PRKCA: variants seen among roughly 807,000 people sequenced by gnomAD.
PRKCA encodes protein kinase C alpha.
Under a neutral mutation model 87.0 loss-of-function variants are expected in PRKCA, and 27 were observed. That is an observed-to-expected ratio of 0.31 (90% confidence interval 0.23 to 0.43). The LOEUF (loss-of-function observed/expected upper bound fraction) is 0.43, where lower values mean the gene tolerates loss of function less well. Ranked by LOEUF, PRKCA falls within the 20% of genes least tolerant of loss-of-function variation. The pLI is 1.00. For synonymous variants in PRKCA, 329 were observed against 311.1 expected (o/e 1.06, Z -0.61); for missense variants, 518 against 852.3 (o/e 0.61, Z 4.88).
chr17:66,766,197 C>T (rs111578720), intron 13 of PRKCA, among the ~76,000 whole-genome samples: 54 of 152,202 alleles, frequency 3.5e-4, no homozygotes, highest in African/African-American at 1.3e-3. Context: ...GGAAGGAGAG[C>T]GTGTTATCAG....
Position 66,502,773 on chromosome 17 carries a change from G to A in PRKCA, c.288+6490G>A, listed in dbSNP as rs9890584. Among the ~76,000 whole-genome samples, 899 of 152,126 alleles carry A rather than the reference G, an allele frequency of 5.9e-3. 5 individuals are homozygous for A. Among genetic ancestry groups the A allele is most frequent in the Middle Eastern group, 0.041 (12 of 292 alleles). ...GGGTTCACGCCATTCTCCTGCCTTAGCCTCCCAAGTAGCTGGGATTACAGT... is the reference window on the plus strand; with the variant it reads ...GGGTTCACGCCATTCTCCTGCCTTAACCTCCCAAGTAGCTGGGATTACAGT... On this transcript the variant is annotated intron_variant, in intron 3 of 16. Coordinates refer to ENST00000413366, the MANE Select transcript of PRKCA (RefSeq NM_002737.3).
chr17:66,420,482 G>A (rs760696031), intron 2 of PRKCA, among the ~76,000 whole-genome samples: 71 of 152,192 alleles, frequency 4.7e-4, no homozygotes, highest in Non-Finnish European at 7.8e-4. Flanking sequence ...GTACCTGTAC[G>A]ACCATTCTGT....
intron 2 of PRKCA, among the ~76,000 whole-genome samples, chr17:66,308,330 A>T (rs892908472): frequency 6.6e-6 from 1 of 152,102 alleles, no homozygotes; most frequent in African/African-American, 2.4e-5. Context: ...ATTTTTTACC[A>T]ATCTGGTAGG....
intron 3 of PRKCA, among the ~76,000 whole-genome samples, chr17:66,631,284 C>A (rs1000187284): frequency 1.3e-5 from 2 of 151,996 alleles, no homozygotes; most frequent in Non-Finnish European, 2.9e-5. Flanking sequence ...AGTAGGTGTA[C>A]GGTAAATAAT....
chr17:66,685,724 G>A (rs1017312756), intron 5 of PRKCA, among the ~76,000 whole-genome samples: 2 of 152,300 alleles, frequency 1.3e-5, no homozygotes, highest in African/African-American at 4.8e-5. Flanking sequence ...AACATCTTTA[G>A]GGTTCTCCCC....
At chr17:66,415,339 A>G (rs1446789926) in intron 2 of PRKCA, 1 of 152,168 alleles carries the variant, frequency 6.6e-6, no homozygotes, top group African/African-American at 2.4e-5. Context: ...AATTAGCATG[A>G]GGTTGATTCT....
intron 6 of PRKCA, among the ~76,000 whole-genome samples, chr17:66,687,598 T>C (rs2144032602): frequency 6.6e-6 from 1 of 152,284 alleles, no homozygotes; most frequent in Middle Eastern, 3.4e-3. Flanking sequence ...TAGGTTCTTT[T>C]GGGAGTTAGG....
At chr17:66,798,560 G>A (rs1340896363) in intron 16 of PRKCA, among the ~76,000 whole-genome samples, 11 of 9,146 alleles carry the variant, frequency 1.2e-3, no homozygotes, top group Non-Finnish European at 1.5e-3. Context: ...GGTGATGGTG[G>A]TGGTGGTGGT....
intron 3 of PRKCA, among the ~76,000 whole-genome samples, chr17:66,497,450 C>G (rs141165131): frequency 2.6e-5 from 4 of 151,276 alleles, no homozygotes; most frequent in Non-Finnish European, 5.9e-5. Context: ...GAGCTGATAT[C>G]GCACCACTGC....
chr17:66,464,895 T>C (rs537446917), intron 2 of PRKCA, among the ~76,000 whole-genome samples: 2 of 152,348 alleles, frequency 1.3e-5, no homozygotes, highest in East Asian at 3.9e-4. Context: ...TATTTTTTCA[T>C]GGATTGCTCC....
At chr17:66,771,778 T>A (rs1774367162) in intron 13 of PRKCA, among the ~76,000 whole-genome samples, 1 of 152,106 alleles carries the variant, frequency 6.6e-6, no homozygotes, top group Non-Finnish European at 1.5e-5. Context: ...GTATTTATAG[T>A]AGAGACAGGG....
chr17:66,609,260 G>A (rs141694031), intron 3 of PRKCA, among the ~76,000 whole-genome samples: 73 of 151,988 alleles, frequency 4.8e-4, no homozygotes, highest in Non-Finnish European at 9.7e-4. Context: ...CATTCCATTG[G>A]ACTTCAAGGT....
At chr17:66,728,560 G>T (rs190483507) in intron 8 of PRKCA, among the ~76,000 whole-genome samples, 1 of 152,366 alleles carries the variant, frequency 6.6e-6, no homozygotes, top group African/African-American at 2.4e-5. Flanking sequence ...AAGTTCAGAA[G>T]TACTTGAATG....
chr17:66,641,250 G>A (rs576142812), intron 3 of PRKCA, 105 bp from the exon 4 acceptor site: 171 of 717,320 alleles, frequency 2.4e-4, no homozygotes, highest in Middle Eastern at 1.3e-3. Flanking sequence ...TGGTGTTATC[G>A]AACCTTGACT....
chr17:66,774,785 A>C (rs565455380), intron 14 of PRKCA: 1 of 985,414 alleles, frequency 1.0e-6, no homozygotes, highest in South Asian at 4.7e-5. Context: ...GAAGACAGTT[A>C]CCTTGAAGAA....
intron 2 of PRKCA, among the ~76,000 whole-genome samples, chr17:66,441,305 CT>C (rs1175529574): frequency 2.0e-5 from 3 of 151,698 alleles, no homozygotes; most frequent in Non-Finnish European, 4.4e-5. Flanking sequence ...GATCACACCT[CT>C]GCATTCCAGC....
At chr17:66,585,665 A>G (rs1477684655) in intron 3 of PRKCA, among the ~76,000 whole-genome samples, 4 of 152,276 alleles carry the variant, frequency 2.6e-5, no homozygotes, top group South Asian at 2.1e-4. Context: ...GGCACCAGCA[A>G]TGTGGAGTGG....
intron 13 of PRKCA, among the ~76,000 whole-genome samples, chr17:66,753,665 G>T (rs1281695967): frequency 6.6e-6 from 1 of 152,194 alleles, no homozygotes; most frequent in Non-Finnish European, 1.5e-5. Context: ...GTTCTGTAGA[G>T]ATAAGGCCTT....
intron 13 of PRKCA, among the ~76,000 whole-genome samples, chr17:66,759,336 A>T (rs1412597547): frequency 2.0e-5 from 3 of 151,932 alleles, no homozygotes; most frequent in Non-Finnish European, 4.4e-5. Context: ...AGCCTGGGTG[A>T]CAGAGCGAGA....
Sources: allele counts gnomAD v4.1 joint callset (sites outside exome capture counted in the v4.1 genomes callset), GRCh38; gene constraint gnomAD v4.1.1; transcripts MANE v1.5; gene names NCBI Gene and HGNC (gene_info 2026-07-23, HGNC 2026-07-21).